Variants in DENND2B observed in about 807,000 individuals in gnomAD.
The protein encoded by DENND2B is DENN domain containing 2B.
A neutral mutation model predicts 116.0 loss-of-function variants in DENND2B; 32 were observed. The observed-to-expected ratio is 0.28, with a 90% CI of 0.21 to 0.37. The LOEUF (loss-of-function observed/expected upper bound fraction) is 0.37. Ranked by LOEUF, DENND2B falls within the 10% of genes least tolerant of loss-of-function variation. The probability of loss-of-function intolerance (pLI) is 1.00; values close to 1 mark genes in which losing one functional copy is unlikely to be tolerated. For synonymous variants in DENND2B, 588 were observed against 583.9 expected (o/e 1.01, Z -0.10); for missense variants, 1,276 against 1,477.7 (o/e 0.86, Z 2.24).
chr11:8,742,327 AT>A (rs200139363), intron 2 of DENND2B, among the ~76,000 whole-genome samples: 12 of 150,804 alleles, frequency 8.0e-5, no homozygotes, highest in Non-Finnish European at 1.3e-4. Flanking sequence ...ATGCCATTAA[AT>A]TTTTTTTTTG....
chr11:8,793,539 G>T (rs1324620069), intron 1 of DENND2B, among the ~76,000 whole-genome samples: 2 of 152,214 alleles, frequency 1.3e-5, no homozygotes, highest in Non-Finnish European at 2.9e-5. Flanking sequence ...CACAGCTGAA[G>T]AATAGTCCAC....
intron 3 of DENND2B, among the ~76,000 whole-genome samples, chr11:8,850,845 A>T (rs551257813): frequency 3.9e-5 from 6 of 152,312 alleles, no homozygotes; most frequent in African/African-American, 1.4e-4. Context: ...CTATTCAGCT[A>T]TAAAAAAAGA....
intron 1 of DENND2B, among the ~76,000 whole-genome samples, chr11:8,807,631 G>A (rs756836022): frequency 1.4e-4 from 21 of 152,214 alleles, no homozygotes; most frequent in Admixed American, 2.6e-4. Flanking sequence ...AAGGAGGAAA[G>A]AGGGAGTGAG....
intron 1 of DENND2B, among the ~76,000 whole-genome samples, chr11:8,770,449 T>C (rs374713891): frequency 1.7e-4 from 26 of 152,294 alleles, no homozygotes; most frequent in African/African-American, 6.0e-4. Flanking sequence ...GATAAATGAA[T>C]TAACATATGT....
At chr11:8,699,965 C>T (rs1405817162) in intron 14 of DENND2B, 4 of 456,178 alleles carry the variant, frequency 8.8e-6, no homozygotes, top group East Asian at 1.4e-4. Context: ...AGAACAAGAC[C>T]TTGGGATCGT....
chr11:8,871,097 A>G (rs2063768117), intron 1 of DENND2B: 1 of 152,030 alleles, frequency 6.6e-6, no homozygotes, highest in South Asian at 2.1e-4. Context: ...GGCTGCAGGG[A>G]GAGAGAGGGG....
intron 1 of DENND2B, among the ~76,000 whole-genome samples, chr11:8,797,732 G>A (rs2059960300): frequency 6.6e-6 from 1 of 152,070 alleles, no homozygotes; most frequent in Non-Finnish European, 1.5e-5. Context: ...TTACAGGCAT[G>A]AGCCACCATG....
At chr11:8,840,367 G>C (rs2062584066) in intron 3 of DENND2B, among the ~76,000 whole-genome samples, 1 of 152,052 alleles carries the variant, frequency 6.6e-6, no homozygotes, top group African/African-American at 2.4e-5. Context: ...TCTGCTGCTT[G>C]GAGGAAAATG....
chr11:8,843,317 C>A (rs1349161587), intron 3 of DENND2B, among the ~76,000 whole-genome samples: 1 of 152,018 alleles, frequency 6.6e-6, no homozygotes, highest in African/African-American at 2.4e-5. Flanking sequence ...CGGAGTCACT[C>A]GTCTTAATAA....
chr11:8,846,383 T>A (rs1428909645), intron 3 of DENND2B, among the ~76,000 whole-genome samples: 1 of 152,134 alleles, frequency 6.6e-6, no homozygotes, highest in African/African-American at 2.4e-5. Context: ...GCGCTATCTA[T>A]CCTTGGAAGA....
intron 3 of DENND2B, among the ~76,000 whole-genome samples, chr11:8,846,597 C>T (rs2062823598): frequency 6.6e-6 from 1 of 152,180 alleles, no homozygotes; most frequent in Non-Finnish European, 1.5e-5. Flanking sequence ...CAGCTTCCCT[C>T]CTCTGTGCCC....
rs146716439 is a variant in DENND2B at position 8,901,994 on chromosome 11, A to C, written c.-256+8827T>G. Among the ~76,000 whole-genome samples the C allele has an allele frequency of 2.5e-3, 375 of 152,176 alleles. 1 individual carries two copies. Among genetic ancestry groups the C allele is most frequent in the African/African-American group, 7.8e-3 (325 of 41,512 alleles). ...GGCTGACAGTATCGTTTAGCCTTCT[A>C]TATCTTTGCTGATTTTCTGTTTGTT... On this transcript the variant is annotated intron_variant, in intron 1 of 22. Transcript: ENST00000534127.
At chr11:8,836,411 TTC>T (rs2062428365) in intron 4 of DENND2B, among the ~76,000 whole-genome samples, 3 of 110,466 alleles carry the variant, frequency 2.7e-5, no homozygotes, top group East Asian at 3.0e-4. Context: ...CCTTCTGTAC[TTC>T]TTTTTTTTTT....
At chr11:8,789,496 C>A (rs2059189404) in intron 1 of DENND2B, among the ~76,000 whole-genome samples, 2 of 152,132 alleles carry the variant, frequency 1.3e-5, no homozygotes, top group African/African-American at 4.8e-5. Flanking sequence ...AACTTAGCAT[C>A]AATAATAATG....
chr11:8,722,090 G>T (rs1339609976), intron 4 of DENND2B, among the ~76,000 whole-genome samples: 2 of 152,220 alleles, frequency 1.3e-5, no homozygotes, highest in South Asian at 2.1e-4. Flanking sequence ...GGAAATAGCA[G>T]CCCTGGAAGC....
intron 1 of DENND2B, among the ~76,000 whole-genome samples, chr11:8,909,278 C>T (rs953453913): frequency 6.6e-6 from 1 of 152,160 alleles, no homozygotes. Flanking sequence ...AGAAGAGGAT[C>T]GCTTGAGCCC....
At chr11:8,738,534 A>T (rs1013143201) in intron 2 of DENND2B, among the ~76,000 whole-genome samples, 3 of 152,066 alleles carry the variant, frequency 2.0e-5, no homozygotes, top group Non-Finnish European at 2.9e-5. Context: ...AAACACATTG[A>T]TCTACTTGAT....
At chr11:8,740,565 T>G (rs754676605) in intron 2 of DENND2B, among the ~76,000 whole-genome samples, 83 of 152,250 alleles carry the variant, frequency 5.5e-4, no homozygotes, top group Non-Finnish European at 1.1e-3. Context: ...CTGGAGCTAG[T>G]TGGGAAAAAG....
At chr11:8,801,297 C>G (rs1368392475) in intron 1 of DENND2B, among the ~76,000 whole-genome samples, 1 of 152,084 alleles carries the variant, frequency 6.6e-6, no homozygotes, top group Non-Finnish European at 1.5e-5. Context: ...CACTGCTCTG[C>G]TGATACCGTC....
Sources: gnomAD v4.1 joint callset for allele counts (sites outside exome capture counted in the v4.1 genomes callset) on GRCh38, gnomAD v4.1.1 for gene constraint, MANE v1.5 for transcripts, NCBI Gene and HGNC (gene_info 2026-07-23, HGNC 2026-07-21) for gene names.